ANKRD11: variants seen among roughly 807,000 people sequenced by gnomAD.
The protein encoded by ANKRD11 is ankyrin repeat domain-containing protein 11.
ANKRD11 carries 17 observed loss-of-function variants against 195.7 expected under a neutral mutation model. That is an observed-to-expected ratio of 0.09 (90% CI 0.06 to 0.13). ANKRD11 has a LOEUF of 0.13. Among genes scored for constraint, ANKRD11 ranks in the 10% least tolerant of loss-of-function variants. ANKRD11 has a pLI of 1.00. For missense variants in ANKRD11, 3,735 were observed against 3,566.1 expected (o/e 1.05, Z -1.21); for synonymous variants, 1,953 against 1,528.1 (o/e 1.28, Z -6.49).
chr16:89,405,841 G>C (rs2041882991), intron 2 of ANKRD11, among the ~76,000 whole-genome samples: 1 of 152,026 alleles, frequency 6.6e-6, no homozygotes, highest in Non-Finnish European at 1.5e-5. Context: ...TCCCAACTTA[G>C]CTCCAGCAAG....
intron 2 of ANKRD11, among the ~76,000 whole-genome samples, chr16:89,374,714 G>C (rs2040345078): frequency 6.6e-6 from 1 of 152,164 alleles, no homozygotes; most frequent in Non-Finnish European, 1.5e-5. Flanking sequence ...GCTCAGGTAA[G>C]GACCAGAAAA....
At chr16:89,310,057 G>T (rs1452967351) in intron 3 of ANKRD11, among the ~76,000 whole-genome samples, 1 of 152,202 alleles carries the variant, frequency 6.6e-6, no homozygotes, top group Non-Finnish European at 1.5e-5. Context: ...ACTGAAAAAT[G>T]GCCACGTCCA....
In ANKRD11 at chr16:89,283,123, G is replaced by C; in HGVS notation, c.3419C>G (p.Ala1140Gly). 6.2e-7 allele frequency: 1 copy of C among 1,613,774 alleles called. No individual in the cohort carries two copies. Among genetic ancestry groups the C allele is most frequent in the African/African-American group, 1.3e-5 (1 of 74,938 alleles). ...CMGSGFKMGE[A>G]SDLPRTDGLQ... ...GCCGTCCGTCCTCGGCAAGTCGCTG[G>C]CCTCTCCCATCTTGAACCCGCTCCC... is the stretch of plus-strand genomic sequence containing the variant. Residue 1140 changes from alanine (A) to glycine (G), a missense_variant, in exon 9 of 13, where the codon GCC becomes GGC. Coordinates refer to ENST00000301030, the MANE Select transcript of ANKRD11 (RefSeq NM_013275.6). The surrounding 1 kb of genome is among the most constrained non-coding windows in gnomAD (Gnocchi z 4.3).
At chr16:89,399,469 C>T (rs1383950888) in intron 2 of ANKRD11, among the ~76,000 whole-genome samples, 3 of 152,196 alleles carry the variant, frequency 2.0e-5, no homozygotes, top group African/African-American at 7.2e-5. Flanking sequence ...ACCGTGCAGA[C>T]AGCACAAAGA....
chr16:89,367,172 G>A (rs1332415923), intron 2 of ANKRD11, among the ~76,000 whole-genome samples: 1 of 152,112 alleles, frequency 6.6e-6, no homozygotes, highest in Non-Finnish European at 1.5e-5. Flanking sequence ...CACCTCAGGG[G>A]GACAGTCCAT....
intron 2 of ANKRD11, among the ~76,000 whole-genome samples, chr16:89,365,414 G>A (rs1171323666): frequency 3.9e-5 from 6 of 152,212 alleles, no homozygotes; most frequent in African/African-American, 9.7e-5. Flanking sequence ...ACAAGAGTGA[G>A]AGCCACTGAG....
At chr16:89,483,753 G>A (rs1038423375) in intron 1 of ANKRD11, among the ~76,000 whole-genome samples, 4 of 151,930 alleles carry the variant, frequency 2.6e-5, no homozygotes, top group South Asian at 2.1e-4. Context: ...GCCTGAACCC[G>A]GGAGGCGGAG....
At chr16:89,374,175 G>A (rs1319090314) in intron 2 of ANKRD11, among the ~76,000 whole-genome samples, 2 of 151,998 alleles carry the variant, frequency 1.3e-5, no homozygotes, top group Non-Finnish European at 2.9e-5. Context: ...CTTTATTCAC[G>A]GCAATTCTTT....
At chr16:89,353,777 A>C (rs1325899836) in intron 2 of ANKRD11, among the ~76,000 whole-genome samples, 1 of 152,144 alleles carries the variant, frequency 6.6e-6, no homozygotes, top group African/African-American at 2.4e-5. Flanking sequence ...ACTACGCCCG[A>C]ACTGGTCACA....
intron 2 of ANKRD11, among the ~76,000 whole-genome samples, chr16:89,415,008 G>T (rs544901512): frequency 6.6e-6 from 1 of 152,128 alleles, no homozygotes; most frequent in South Asian, 2.1e-4. Context: ...GCAGTGGTGT[G>T]ATCATAGCTC....
intron 1 of ANKRD11, among the ~76,000 whole-genome samples, chr16:89,432,064 T>C (rs900739198): frequency 1.3e-5 from 2 of 152,042 alleles, no homozygotes; most frequent in South Asian, 2.1e-4. Context: ...TTTACCTACA[T>C]CATCATAACA....
rs2034390623 is a variant in ANKRD11, at chr16:89,283,001, G to A, written c.3541C>T (p.Pro1181Ser). Residue 1181 changes from proline (P) to serine (S), a missense_variant, in exon 9 of 13, where the codon CCC (proline) becomes TCC (serine). Pro to Ser is a moderately conservative substitution (Grantham distance 74). Coordinates refer to ENST00000301030, the MANE Select transcript of ANKRD11 (RefSeq NM_013275.6). This position sits in a 1 kb window ranked among gnomAD's most constrained non-coding sequence, Gnocchi z 4.3. ...CCTCGGTCCTTTCTCCTGTCTCTGG[G>A]CTCCTTGTCCTTCTGCCTCTCAGGG... is the stretch of plus-strand genomic sequence containing the variant. ...QHPERQKDKEPRDRRKDRGAA... is the reference protein window; with the variant it reads ...QHPERQKDKESRDRRKDRGAA... 1.9e-6 allele frequency: 3 copies of A among 1,613,436 alleles called. No homozygotes were observed. Among genetic ancestry groups the A allele is most frequent in the East Asian group, 2.2e-5 (1 of 44,866 alleles).
At chr16:89,348,376 C>T (rs752332896) in intron 2 of ANKRD11, among the ~76,000 whole-genome samples, 3 of 152,168 alleles carry the variant, frequency 2.0e-5, no homozygotes, top group Non-Finnish European at 4.4e-5. Flanking sequence ...CATGAGGTAT[C>T]GCTATCCTTT....
chr16:89,287,278 G>A, intron 7 of ANKRD11: 2 of 381,302 alleles, frequency 5.2e-6, no homozygotes, highest in Non-Finnish European at 9.8e-6. Flanking sequence ...GACTCAGCAG[G>A]AAAGGCTCTC....
Position 89,280,687 on chromosome 16 carries a change from T to C in ANKRD11, c.5855A>G (p.His1952Arg). 5 of 1,612,798 alleles carry C rather than the reference T, an allele frequency of 3.1e-6. No individual in the cohort carries two copies. Among genetic ancestry groups the C allele is most frequent in the African/African-American group, 1.3e-5 (1 of 74,810 alleles). Reference protein sequence around the residue: ...VITEEPVEWAHPSEQALASSL... With the variant: ...VITEEPVEWARPSEQALASSL... ...AGAGGCAAGCGCCTGCTCGGAGGGGTGGGCCCACTCAACGGGCTCCTCGGT... is the reference window on the plus strand; with the variant it reads ...AGAGGCAAGCGCCTGCTCGGAGGGGCGGGCCCACTCAACGGGCTCCTCGGT... Residue 1952 changes from histidine to arginine, a missense_variant, in exon 9 of 13, where the codon CAC becomes CGC. Physicochemically the swap from His to Arg is conservative, Grantham distance 29 (BLOSUM62 0). Coordinates refer to ENST00000301030, the MANE Select transcript of ANKRD11 (RefSeq NM_013275.6).
chr16:89,468,155 T>C (rs2056948933), intron 1 of ANKRD11, among the ~76,000 whole-genome samples: 1 of 152,130 alleles, frequency 6.6e-6, no homozygotes, highest in Admixed American at 6.6e-5. Flanking sequence ...GAAAGAAGGG[T>C]CTATTAACTT....
At chr16:89,325,736 C>G (rs991834249) in intron 2 of ANKRD11, among the ~76,000 whole-genome samples, 7 of 152,196 alleles carry the variant, frequency 4.6e-5, no homozygotes, top group Admixed American at 2.0e-4. Context: ...GGGTTCTCAG[C>G]TGAAGCAGTC....
chr16:89,375,053 A>G (rs1193426693), intron 2 of ANKRD11, among the ~76,000 whole-genome samples: 1 of 152,166 alleles, frequency 6.6e-6, no homozygotes, highest in Non-Finnish European at 1.5e-5. Flanking sequence ...TACAGACTGT[A>G]CATGGCATCG....
chr16:89,351,025 C>G (rs1370339563), intron 2 of ANKRD11, among the ~76,000 whole-genome samples: 1 of 152,164 alleles, frequency 6.6e-6, no homozygotes. Flanking sequence ...ACAAGATCAC[C>G]TAACAACGCA....
Sources: gnomAD v4.1 joint callset for allele counts (sites outside exome capture counted in the v4.1 genomes callset) on GRCh38, gnomAD v4.1.1 for gene constraint, Gnocchi (gnomAD v3.1) non-coding constraint, MANE v1.5 for transcripts, NCBI Gene and HGNC (gene_info 2026-07-23, HGNC 2026-07-21) for gene names.